Variants in ATP13A4 observed in about 807,000 individuals in gnomAD.
ATP13A4 encodes probable cation-transporting ATPase 13A4.
In ATP13A4, 114 loss-of-function variants were observed where a neutral mutation model predicts 142.5. The ratio of observed to expected loss-of-function variants is 0.80; its 90% CI spans 0.69 to 0.93. ATP13A4 has a LOEUF of 0.93. ATP13A4 is among the 40% of genes least tolerant of loss of function. ATP13A4 has a pLI of 0.00. For synonymous variants in ATP13A4, 488 were observed against 514.8 expected (o/e 0.95, Z 0.70); for missense variants, 1,392 against 1,454.0 (o/e 0.96, Z 0.69).
chr3:193,541,702 G>A (rs1216921590), intron 1 of ATP13A4, among the ~76,000 whole-genome samples: 2 of 152,128 alleles, frequency 1.3e-5, no homozygotes, highest in Non-Finnish European at 2.9e-5. Context: ...ATTTGCAGCT[G>A]ATGTGCTTCA....
chr3:193,462,712 G>A (rs766352549), intron 13 of ATP13A4, 50 bp downstream of exon 13: 21 of 1,549,846 alleles, frequency 1.4e-5, no homozygotes, highest in Non-Finnish European at 1.7e-5. Flanking sequence ...ACGGAATTTT[G>A]GAAAAAGAGA....
intron 2 of ATP13A4, 60 bp downstream of exon 2, chr3:193,514,638 G>T: frequency 6.3e-7 from 1 of 1,588,860 alleles, no homozygotes; most frequent in Non-Finnish European, 8.6e-7. Context: ...CAGCCATCCC[G>T]TAACACATTG....
At chr3:193,501,697 T>G (rs1221667503) in intron 3 of ATP13A4, among the ~76,000 whole-genome samples, 1 of 152,072 alleles carries the variant, frequency 6.6e-6, no homozygotes, top group African/African-American at 2.4e-5. Context: ...AAAACTAATT[T>G]AAACAGCTGA....
intron 25 of ATP13A4, among the ~76,000 whole-genome samples, chr3:193,431,368 T>G (rs537910836): frequency 1.3e-5 from 2 of 152,098 alleles, no homozygotes; most frequent in South Asian, 4.1e-4. Context: ...GTAGCTACAT[T>G]TCCAGAGCTT....
intron 24 of ATP13A4, among the ~76,000 whole-genome samples, chr3:193,434,119 C>T (rs1204294091): frequency 1.3e-5 from 2 of 152,112 alleles, no homozygotes. Context: ...CCTCTCTATG[C>T]AGGGGGCCTA....
At chr3:193,419,351 A>C (rs1715288960) in intron 25 of ATP13A4, among the ~76,000 whole-genome samples, 1 of 149,898 alleles carries the variant, frequency 6.7e-6, no homozygotes, top group African/African-American at 2.5e-5. Context: ...CTGAAGAAAC[A>C]ATGCCTTGGC....
chr3:193,483,731 T>A (rs1271033769), intron 8 of ATP13A4, among the ~76,000 whole-genome samples: 1 of 152,150 alleles, frequency 6.6e-6, no homozygotes, highest in Non-Finnish European at 1.5e-5. Context: ...CCCAAAGTGC[T>A]GGGATTACAG....
At chr3:193,574,647 G>A (rs1382204805) in intron 2 of ATP13A4, among the ~76,000 whole-genome samples, 1 of 152,072 alleles carries the variant, frequency 6.6e-6, no homozygotes, top group Non-Finnish European at 1.5e-5. Flanking sequence ...ACCTGGGGCA[G>A]GGAGGTTGCA....
intron 1 of ATP13A4, among the ~76,000 whole-genome samples, chr3:193,539,799 C>T (rs1179082822): frequency 2.0e-5 from 3 of 151,994 alleles, no homozygotes; most frequent in African/African-American, 7.3e-5. Flanking sequence ...GGGTATAGGA[C>T]GTAGTAGTTA....
In ATP13A4 at chr3:193,579,323, G is replaced by A. The variant is rs140891538; in HGVS notation, n.291+2384C>T. 115 of 204,318 alleles carry A rather than the reference G, an allele frequency of 5.6e-4. 1 individual carries two copies. Among genetic ancestry groups the A allele is most frequent in the South Asian group, 2.3e-3 (24 of 10,230 alleles). 12.7% of individuals were successfully genotyped at this position (204,318 alleles called of 1,614,324 possible). On this transcript the variant is annotated intron_variant and non_coding_transcript_variant, in intron 2 of 3. Coordinates refer to the ATP13A4 transcript ENST00000489140. Reference sequence around the variant, plus strand: ...AGTGGTTCTTTCTTGATGCCACCACGTGTGTAGATTGGATGGCCAGTAGTG... The same window carrying A: ...AGTGGTTCTTTCTTGATGCCACCACATGTGTAGATTGGATGGCCAGTAGTG...
At chr3:193,562,147 C>T (rs1398961862) in intron 2 of ATP13A4, among the ~76,000 whole-genome samples, 1 of 152,086 alleles carries the variant, frequency 6.6e-6, no homozygotes, top group African/African-American at 2.4e-5. Context: ...CTCTCCTGGA[C>T]CCCACATACT....
At chr3:193,434,272 A>T (rs1716135803) in intron 24 of ATP13A4, among the ~76,000 whole-genome samples, 1 of 152,206 alleles carries the variant, frequency 6.6e-6, no homozygotes, top group African/African-American at 2.4e-5. Context: ...CAATAAAAAA[A>T]TACATCCCCA....
chr3:193,567,315 A>G (rs2108739462), intron 2 of ATP13A4, among the ~76,000 whole-genome samples: 1 of 152,330 alleles, frequency 6.6e-6, no homozygotes, highest in South Asian at 2.1e-4. Context: ...TCTCTGAGGG[A>G]GAATTCTTTA....
At position 193,483,931 on chromosome 3, in the gene ATP13A4, C is replaced by T; in HGVS notation, c.808+5G>A. Reference sequence around the variant, plus strand: ...AGCATATAGATCTAAAATAATGGAACTTACCTTTTCTCCCACATACAGAGA... The same window carrying T: ...AGCATATAGATCTAAAATAATGGAATTTACCTTTTCTCCCACATACAGAGA... On this transcript the variant is annotated splice_donor_5th_base_variant and intron_variant, in intron 8 of 29. Coordinates refer to ENST00000342695, the MANE Select transcript of ATP13A4 (RefSeq NM_032279.4). The T allele has an allele frequency of 6.3e-7, 1 of 1,580,612 alleles. No individual in the cohort carries two copies. The highest frequency in any genetic ancestry group is 8.7e-7 in the Non-Finnish European group (1 of 1,149,746).
intron 2 of ATP13A4, among the ~76,000 whole-genome samples, 163 bp downstream of exon 2, chr3:193,514,535 A>G (rs1399936820): frequency 6.6e-6 from 1 of 150,900 alleles, no homozygotes; most frequent in Non-Finnish European, 1.5e-5. Flanking sequence ...TACACAAATT[A>G]GTGAAATCCT....
intron 2 of ATP13A4, among the ~76,000 whole-genome samples, chr3:193,561,267 G>T (rs879723560): frequency 6.6e-6 from 1 of 152,232 alleles, no homozygotes; most frequent in African/African-American, 2.4e-5. Context: ...CCTTGCTGTG[G>T]GCCTGGGATG....
intron 23 of ATP13A4, 42 bp downstream of exon 23, chr3:193,438,433 G>A (rs778179235): frequency 1.4e-6 from 2 of 1,468,712 alleles, no homozygotes; most frequent in Non-Finnish European, 1.9e-6. Flanking sequence ...TGCACCAGAA[G>A]TCAAGAGAGA....
chr3:193,560,473 G>A (rs1008257837), intron 2 of ATP13A4, among the ~76,000 whole-genome samples: 2 of 152,130 alleles, frequency 1.3e-5, no homozygotes, highest in African/African-American at 4.8e-5. Flanking sequence ...CTCCCAAAGT[G>A]CTGGGATGAC....
chr3:193,567,503 C>T (rs185934519), intron 2 of ATP13A4, among the ~76,000 whole-genome samples: 8 of 152,278 alleles, frequency 5.3e-5, no homozygotes, highest in East Asian at 1.9e-4. Flanking sequence ...ACAATCTCTC[C>T]GATGCAGTCC....
Sources: gnomAD v4.1 joint callset for allele counts (sites outside exome capture counted in the v4.1 genomes callset) on GRCh38, gnomAD v4.1.1 for gene constraint, MANE v1.5 for transcripts, NCBI Gene and HGNC (gene_info 2026-07-23, HGNC 2026-07-21) for gene names.